GATAD2A: variants seen among roughly 807,000 people sequenced by gnomAD.
The protein encoded by GATAD2A is GATA zinc finger domain containing 2A, also known as transcriptional repressor p66-alpha.
Under a neutral mutation model 68.5 loss-of-function variants are expected in GATAD2A, and 12 were observed. That is an observed-to-expected ratio of 0.18 (90% CI 0.11 to 0.28). The LOEUF is 0.28. Among genes scored for constraint, GATAD2A ranks in the 10% least tolerant of loss-of-function variants. The pLI, the probability that GATAD2A is intolerant of heterozygous loss-of-function variation, is 1.00. For missense variants in GATAD2A, 755 were observed against 868.5 expected (o/e 0.87, Z 1.64); for synonymous variants, 410 against 375.3 (o/e 1.09, Z -1.07).
In GATAD2A at chr19:19,498,576, G is replaced by A. The variant is rs780418588; in HGVS notation, c.1058G>A (p.Arg353His). Residue 353 changes from arginine to histidine, a missense_variant, in exon 8 of 12, where the codon CGC becomes CAC. By Grantham distance (29) the Arg-to-His change is conservative. Transcript: ENST00000683918. ...CAGGCGGCCGCCAAGCTGGCGCTGC[G>A]CAAACAGCTGGAGAAGACGCTACTC... ...SRQAAAKLAL[R>H]KQLEKTLLEI... is the part of the protein sequence containing the mutation. The A allele has an allele frequency of 3.7e-6, 6 of 1,613,748 alleles. No homozygotes were observed. Among genetic ancestry groups the A allele is most frequent in the Non-Finnish European group, 4.2e-6 (5 of 1,180,024 alleles).
Position 19,498,186 on chromosome 19 carries a change from G to A in GATAD2A, c.925-257G>A, listed in dbSNP as rs113498992. On this transcript the variant is annotated intron_variant, in intron 7 of 11. Coordinates refer to ENST00000683918, the MANE Select transcript of GATAD2A (RefSeq NM_001384528.1). ...ACAGCAAACTATAGATTTTAAGTGTGTGCGGTTTATCTGGTAAACCTCGGT... is the reference window on the plus strand; with the variant it reads ...ACAGCAAACTATAGATTTTAAGTGTATGCGGTTTATCTGGTAAACCTCGGT... Among the ~76,000 whole-genome samples the A allele has an allele frequency of 2.2e-3, 336 of 152,376 alleles. 2 individuals carry two copies. Among genetic ancestry groups the A allele is most frequent in the South Asian group, 0.016 (77 of 4,834 alleles).
rs1232313954 is a variant in GATAD2A, at chr19:19,507,916, TC to T, written c.*2444del. 2 of 152,264 alleles carry T rather than the reference TC, an allele frequency of 1.3e-5. No homozygotes were observed. Among genetic ancestry groups the T allele is most frequent in the African/African-American group, 4.8e-5 (2 of 41,456 alleles). The allele number at this position is 152,264 out of a possible 1,614,324, so 9.4% of individuals were successfully genotyped here. On this transcript the variant is annotated 3_prime_UTR_variant, in exon 12 of 12. Transcript: ENST00000683918. ...TGTTGTATTATGACGTTTATGATGT[TC>T]CAGGTGAAGGCATTATTAAGTACCT...
At chr19:19,452,226 T>C (rs2147835623) in intron 1 of GATAD2A, among the ~76,000 whole-genome samples, 1 of 152,336 alleles carries the variant, frequency 6.6e-6, no homozygotes, top group African/African-American at 2.4e-5. Flanking sequence ...TCTTACTTCA[T>C]GGGCGCCATG....
chr19:19,498,184 G>T (rs1022350363), intron 7 of GATAD2A, among the ~76,000 whole-genome samples: 1 of 152,258 alleles, frequency 6.6e-6, no homozygotes, highest in Non-Finnish European at 1.5e-5. Flanking sequence ...GATTTTAAGT[G>T]TGTGCGGTTT....
At chr19:19,495,665 A>C in intron 5 of GATAD2A, 89 bp from the exon 6 acceptor site, 1 of 1,052,482 alleles carries the variant, frequency 9.5e-7, no homozygotes. Flanking sequence ...ACTAGTATGT[A>C]CTTTCATAAA....
intron 2 of GATAD2A, among the ~76,000 whole-genome samples, chr19:19,478,908 T>A (rs1184642094): frequency 6.6e-6 from 1 of 152,144 alleles, no homozygotes; most frequent in Non-Finnish European, 1.5e-5. Context: ...TTATTAAAAA[T>A]CTATTTTGCA....
chr19:19,468,397 A>G (rs978588150), intron 2 of GATAD2A, among the ~76,000 whole-genome samples: 2 of 151,898 alleles, frequency 1.3e-5, no homozygotes, highest in Admixed American at 1.3e-4. Flanking sequence ...GGGGCAAGAT[A>G]GAAAAACTAT....
intron 1 of GATAD2A, among the ~76,000 whole-genome samples, chr19:19,462,664 C>T (rs2057541880): frequency 6.6e-6 from 1 of 152,258 alleles, no homozygotes; most frequent in South Asian, 2.1e-4. Flanking sequence ...AGAGAGGTCT[C>T]TGGGGCTGGA....
At chr19:19,500,995 G>C in intron 8 of GATAD2A, 123 bp from the exon 9 acceptor site, 1 of 844,232 alleles carries the variant, frequency 1.2e-6, no homozygotes, top group East Asian at 2.5e-5. Context: ...TTGGTGCCCA[G>C]TAGGCATTTG....
chr19:19,434,421 G>A (rs1451802314), intron 1 of GATAD2A, among the ~76,000 whole-genome samples: 4 of 152,198 alleles, frequency 2.6e-5, no homozygotes, highest in East Asian at 3.8e-4. Flanking sequence ...TTTAGGAGGT[G>A]CCTAAAGGTC....
At position 19,426,529 on chromosome 19, in the gene GATAD2A, G is replaced by A. The variant is rs540535355; in HGVS notation, c.-7+20510G>A. On this transcript the variant is annotated intron_variant, in intron 1 of 11. Coordinates refer to ENST00000683918, the MANE Select transcript of GATAD2A (RefSeq NM_001384528.1). ...TTTTTAATTTAATTTTTATTTTTTT[G>A]AGATAGAATCTTGCTCTTTTGCCCA... 9.8e-4 allele frequency among the ~76,000 whole-genome samples: 149 copies of A among 152,040 alleles called. 1 individual carries two copies. The highest frequency in any genetic ancestry group is 3.3e-3 in the African/African-American group (137 of 41,484).
chr19:19,465,610 C>T lies in GATAD2A; in HGVS notation c.265C>T (p.His89Tyr). The T allele has an allele frequency of 6.2e-7, 1 of 1,606,542 alleles. No homozygotes were observed. The highest frequency in any genetic ancestry group is 8.5e-7 in the Non-Finnish European group (1 of 1,176,734). Residue 89 changes from histidine (H) to tyrosine (Y), a missense_variant, in exon 2 of 12, where the codon CAC (histidine) becomes TAC (tyrosine). Transcript: ENST00000683918. ...TGGGCCCGTGGACATGCGCACCTCA[C>T]ACAGGTGAGTGGGAGGAGCCAGCGG... The part of the protein sequence containing the change: ...GDGPVDMRTS[H>Y]SDMKSERRPP...
intron 1 of GATAD2A, chr19:19,457,160 T>C (rs2147906747): frequency 2.0e-6 from 2 of 985,392 alleles, no homozygotes; most frequent in Admixed American, 6.1e-5. Context: ...ACTGACACTC[T>C]TGCAGAAGTG....
At chr19:19,472,128 C>T (rs1209811105) in intron 2 of GATAD2A, among the ~76,000 whole-genome samples, 2 of 152,192 alleles carry the variant, frequency 1.3e-5, no homozygotes, top group Non-Finnish European at 2.9e-5. Flanking sequence ...AACTCCTGAT[C>T]TCAAGTGATC....
At chr19:19,424,895 C>A (rs1398360001) in intron 1 of GATAD2A, among the ~76,000 whole-genome samples, 1 of 151,834 alleles carries the variant, frequency 6.6e-6, no homozygotes, top group African/African-American at 2.4e-5. Context: ...AGGATGATTA[C>A]TTGAAGCTAG....
intron 9 of GATAD2A, 40 bp from the exon 10 acceptor site, chr19:19,501,929 C>A: frequency 6.5e-7 from 1 of 1,532,744 alleles, no homozygotes; most frequent in Non-Finnish European, 9.0e-7. Flanking sequence ...GGCCGGCCAG[C>A]GGACCGCACT....
chr19:19,450,277 G>A (rs2147805005), intron 1 of GATAD2A, among the ~76,000 whole-genome samples: 1 of 152,334 alleles, frequency 6.6e-6, no homozygotes, highest in Admixed American at 6.5e-5. Flanking sequence ...CAGCAGCACA[G>A]TGCTGGGCAC....
At chr19:19,465,319 T>C in intron 1 of GATAD2A, 21 bp from the exon 2 acceptor site, 2 of 1,599,852 alleles carry the variant, frequency 1.3e-6, no homozygotes, top group Non-Finnish European at 1.7e-6. Flanking sequence ...TAAAATGTTG[T>C]GTCTTCTCCT....
chr19:19,410,757 A>C (rs1388126637), intron 1 of GATAD2A, among the ~76,000 whole-genome samples: 1 of 152,192 alleles, frequency 6.6e-6, no homozygotes, highest in Non-Finnish European at 1.5e-5. Context: ...AGTGGCATCC[A>C]GGACAGCCCT....
Sources: gnomAD v4.1 joint callset for allele counts (sites outside exome capture counted in the v4.1 genomes callset) on GRCh38, gnomAD v4.1.1 for gene constraint, MANE v1.5 for transcripts, NCBI Gene and HGNC (gene_info 2026-07-23, HGNC 2026-07-21) for gene names.